SASH1: variants seen among roughly 807,000 people sequenced by gnomAD.
SASH1 encodes the protein SAM and SH3 domain containing 1.
Under a neutral mutation model 125.2 loss-of-function variants are expected in SASH1, and 44 were observed. That is an observed-to-expected ratio of 0.35 (90% CI 0.28 to 0.45). The LOEUF (loss-of-function observed/expected upper bound fraction) is 0.45, where lower values mean the gene tolerates loss of function less well. Ranked by LOEUF, SASH1 falls within the 20% of genes least tolerant of loss-of-function variation. The pLI, the probability that SASH1 is intolerant of heterozygous loss-of-function variation, is 1.00. For missense variants in SASH1, 1,426 were observed against 1,614.5 expected, an observed-to-expected ratio of 0.88 and a Z score of 2.00; for synonymous variants, 639 against 649.1, an observed-to-expected ratio of 0.98 and a Z score of 0.24.
intron 8 of SASH1, chr6:148,508,667 T>C (rs1020208896): frequency 8.5e-6 from 10 of 1,171,124 alleles, no homozygotes; most frequent in East Asian, 1.2e-4. Flanking sequence ...TCCAGTGTCT[T>C]CCCCTTTCTC....
intron 1 of SASH1, among the ~76,000 whole-genome samples, chr6:148,326,349 T>TATATATATATATATATATA (rs1554235314): frequency 2.3e-5 from 2 of 86,584 alleles, no homozygotes; most frequent in African/African-American, 9.0e-5. Flanking sequence ...TATATATATA[T>TATATATATATATATATATA]ATATATATGC....
chr6:148,442,647 T>C (rs1010742801), intron 4 of SASH1, among the ~76,000 whole-genome samples: 6 of 152,246 alleles, frequency 3.9e-5, no homozygotes, highest in Non-Finnish European at 8.8e-5. Context: ...TAAGCAAATA[T>C]TTCCTAAGGA....
At chr6:148,388,898 T>C (rs1252024333) in intron 1 of SASH1, among the ~76,000 whole-genome samples, 1 of 152,160 alleles carries the variant, frequency 6.6e-6, no homozygotes, top group African/African-American at 2.4e-5. Context: ...AGTCGTATTT[T>C]CCTTGGTTGT....
intron 2 of SASH1, among the ~76,000 whole-genome samples, chr6:148,420,356 T>TA (rs1173451095): frequency 1.3e-5 from 2 of 151,934 alleles, no homozygotes; most frequent in East Asian, 1.9e-4. Flanking sequence ...TCAGAAGGCT[T>TA]AAAAAAAATA....
intron 7 of SASH1, 83 bp from the exon 8 acceptor site, chr6:148,487,531 T>A: frequency 1.0e-6 from 1 of 956,244 alleles, no homozygotes; most frequent in Non-Finnish European, 1.6e-6. Flanking sequence ...CCTAGATGTA[T>A]TATTTGAGTC....
At chr6:148,202,889 G>A in the SASH1 span, among the ~76,000 whole-genome samples, 1 of 152,130 alleles carries the variant, frequency 6.6e-6, no homozygotes, top group Non-Finnish European at 1.5e-5. Flanking sequence ...GGTAGGCAGA[G>A]GTTGCAGTGA....
At chr6:148,387,568 CTTT>C (rs1783443165) in intron 1 of SASH1, among the ~76,000 whole-genome samples, 1 of 7,952 alleles carries the variant, frequency 1.3e-4, no homozygotes, top group Admixed American at 1.8e-3. Flanking sequence ...TTTCTTTTCT[CTTT>C]CTTTCTTTCT....
At chr6:148,471,865 C>G (rs1778133860) in intron 6 of SASH1, among the ~76,000 whole-genome samples, 1 of 152,130 alleles carries the variant, frequency 6.6e-6, no homozygotes, top group Non-Finnish European at 1.5e-5. Context: ...TGGTTTGGGG[C>G]TCTCCTGTCC....
chr6:148,490,143 G>A (rs906686972), intron 8 of SASH1, among the ~76,000 whole-genome samples: 3 of 150,154 alleles, frequency 2.0e-5, no homozygotes, highest in East Asian at 1.9e-4. Context: ...GTTTCAATAT[G>A]ACCAAAACAG....
At chr6:148,255,524 T>C in the SASH1 span, among the ~76,000 whole-genome samples, 2 of 152,306 alleles carry the variant, frequency 1.3e-5, no homozygotes, top group East Asian at 3.9e-4. Flanking sequence ...AACATCCTCT[T>C]ATACACAGGC....
intron 6 of SASH1, among the ~76,000 whole-genome samples, chr6:148,473,712 A>G (rs1778217665): frequency 6.6e-6 from 1 of 152,204 alleles, no homozygotes; most frequent in Admixed American, 6.5e-5. Flanking sequence ...ATGGAAGGAC[A>G]CAAAGAACCC....
At position 148,539,333 on chromosome 6, in the gene SASH1, G is replaced by GT. The variant is rs553453811; in HGVS notation, c.2096-1103dup. 2.4e-3 allele frequency among the ~76,000 whole-genome samples: 363 copies of GT among 152,074 alleles called. 5 individuals carry two copies. Among genetic ancestry groups the GT allele is most frequent in the African/African-American group, 8.1e-3 (335 of 41,460 alleles). On this transcript the variant is annotated intron_variant, in intron 16 of 19. Coordinates refer to ENST00000367467, the MANE Select transcript of SASH1 (RefSeq NM_015278.5). ...TAGTATACATTGTACCTAATGTGTA[G>GT]TTTTTTTATCCCTAGACTCCCCCCA...
chr6:148,390,931 TTTTTTCTTTTCTTCTC>T lies in SASH1; in HGVS notation c.285+685_285+700del, dbSNP rs1469342115. On this transcript the variant is annotated intron_variant, in intron 2 of 19. Transcript: ENST00000367467. Reference sequence around the variant, plus strand: ...TAATTTTTTTTCCAGCTTTCGTTCCTTTTTTCTTTTCTTCTCTTTTTCTTTTCTTCTTTTGGAAAGC... The same window carrying T: ...TAATTTTTTTTCCAGCTTTCGTTCCTTTTTTCTTTTCTTCTTTTGGAAAGC... Among the ~76,000 whole-genome samples, 36 of 152,260 alleles carry T rather than the reference TTTTTTCTTTTCTTCTC, an allele frequency of 2.4e-4. 1 individual carries two copies. Among genetic ancestry groups the T allele is most frequent in the Middle Eastern group, 6.8e-3 (2 of 294 alleles).
chr6:148,378,357 A>ATTT (rs397888480), intron 1 of SASH1, among the ~76,000 whole-genome samples: 2 of 134,092 alleles, frequency 1.5e-5, no homozygotes, highest in Non-Finnish European at 1.6e-5. Flanking sequence ...CCCGGCCACA[A>ATTT]TTTTTTTTTT....
At chr6:148,512,126 C>T (rs1336264401) in intron 8 of SASH1, among the ~76,000 whole-genome samples, 2 of 152,152 alleles carry the variant, frequency 1.3e-5, no homozygotes, top group East Asian at 3.9e-4. Flanking sequence ...TCACGCCATT[C>T]TTCTGCCTCA....
At chr6:148,213,849 T>C in the SASH1 span, among the ~76,000 whole-genome samples, 1 of 152,202 alleles carries the variant, frequency 6.6e-6, no homozygotes, top group African/African-American at 2.4e-5. Context: ...AGCTGGCATC[T>C]TAACTGTCTA....
the SASH1 span, among the ~76,000 whole-genome samples, chr6:148,218,916 T>A: frequency 4.6e-5 from 7 of 152,218 alleles, no homozygotes; most frequent in African/African-American, 1.7e-4. Context: ...ATATCCCTCT[T>A]CCAATCCAAA....
chr6:148,490,579 G>C (rs78963487), intron 8 of SASH1, among the ~76,000 whole-genome samples: 2 of 152,198 alleles, frequency 1.3e-5, no homozygotes, highest in South Asian at 4.1e-4. Context: ...CTCTTTTCAC[G>C]TATTATATAG....
In SASH1 at chr6:148,507,780, G is replaced by A. The variant is rs140129138; in HGVS notation, c.730-6544G>A. On this transcript the variant is annotated intron_variant, in intron 8 of 19. Transcript: ENST00000367467. ...AGCTAGGTATTTTATGTCGTGTGAT[G>A]TCCTATAAAGAGCATTATACATGAA... Among the ~76,000 whole-genome samples the A allele has an allele frequency of 4.2e-3, 634 of 152,240 alleles. 6 individuals carry two copies. Among genetic ancestry groups the A allele is most frequent in the African/African-American group, 0.015 (606 of 41,554 alleles).
Sources: gnomAD v4.1 joint callset for allele counts (sites outside exome capture counted in the v4.1 genomes callset) on GRCh38, gnomAD v4.1.1 for gene constraint, MANE v1.5 for transcripts, NCBI Gene and HGNC (gene_info 2026-07-23, HGNC 2026-07-21) for gene names.